Variants in BMP7 observed in about 807,000 individuals in gnomAD.
BMP7 encodes bone morphogenetic protein 7, also known as osteogenic protein 1.
Under a neutral mutation model 41.2 loss-of-function variants are expected in BMP7, and 12 were observed. The ratio of observed to expected loss-of-function variants is 0.29; its 90% CI spans 0.19 to 0.47. BMP7 has a LOEUF of 0.47. BMP7 is among the 20% of genes least tolerant of loss of function. The probability of loss-of-function intolerance (pLI) is 0.99; values close to 1 mark genes in which losing one functional copy is unlikely to be tolerated. For missense variants in BMP7, 467 were observed against 606.0 expected (o/e 0.77, Z 2.41); for synonymous variants, 248 against 250.0 (o/e 0.99, Z 0.07).
chr20:57,220,914 G>A (rs1182541395), intron 2 of BMP7, among the ~76,000 whole-genome samples: 1 of 152,192 alleles, frequency 6.6e-6, no homozygotes, highest in Non-Finnish European at 1.5e-5. Flanking sequence ...ACTGTGGCCG[G>A]CACTCACTCA....
At chr20:57,199,848 C>A (rs1159764428) in intron 3 of BMP7, among the ~76,000 whole-genome samples, 1 of 152,354 alleles carries the variant, frequency 6.6e-6, no homozygotes, top group Admixed American at 6.5e-5. Context: ...AGCACCTGGA[C>A]AAGCCAAGTC....
At chr20:57,257,239 G>T (rs892012874) in intron 1 of BMP7, among the ~76,000 whole-genome samples, 14 of 152,134 alleles carry the variant, frequency 9.2e-5, no homozygotes, top group African/African-American at 3.4e-4. Flanking sequence ...CATTTATACT[G>T]ACCAGATGAA....
At chr20:57,195,921 G>T (rs532842829) in intron 3 of BMP7, among the ~76,000 whole-genome samples, 25 of 152,178 alleles carry the variant, frequency 1.6e-4, no homozygotes, top group Non-Finnish European at 3.2e-4. Context: ...GGAGAGAGGT[G>T]CCCTATGACC....
At chr20:57,207,319 C>G (rs1984755444) in intron 2 of BMP7, among the ~76,000 whole-genome samples, 1 of 152,134 alleles carries the variant, frequency 6.6e-6, no homozygotes, top group Non-Finnish European at 1.5e-5. Context: ...CAAGCCAGTC[C>G]CCAGTGAGGT....
intron 1 of BMP7, among the ~76,000 whole-genome samples, chr20:57,234,130 T>C (rs1382813425): frequency 1.3e-5 from 2 of 152,100 alleles, no homozygotes; most frequent in African/African-American, 4.8e-5. Flanking sequence ...GAGTCCATCA[T>C]CACTGTCCCA....
intron 1 of BMP7, among the ~76,000 whole-genome samples, chr20:57,245,277 C>G (rs1568728175): frequency 6.6e-6 from 1 of 152,136 alleles, no homozygotes; most frequent in Non-Finnish European, 1.5e-5. Flanking sequence ...CATGGTTGTC[C>G]TTTAAACCTC....
intron 3 of BMP7, among the ~76,000 whole-genome samples, chr20:57,187,554 C>CCTGT (rs1555812219): frequency 2.1e-5 from 3 of 144,020 alleles, no homozygotes; most frequent in Admixed American, 2.1e-4. Context: ...GGAAGCCTGC[C>CCTGT]CTCTCTCTCT....
rs990746369 is a variant in BMP7 at position 57,254,545 on chromosome 20, C to T, written c.418+11160G>A. Among the ~76,000 whole-genome samples the T allele has an allele frequency of 7.3e-5, 11 of 151,666 alleles. No homozygotes were observed. The East Asian group carries it at 7.8e-4, about 11-fold the overall frequency. The stretch of plus-strand genomic sequence containing the variant: ...GTCCCCTTGTGTGGGAGGTTGGGGG[C>T]GGGGGTGCCTATGTGTGTAATTAAC... On this transcript the variant is annotated intron_variant, in intron 1 of 6. Coordinates refer to ENST00000395863, the MANE Select transcript of BMP7 (RefSeq NM_001719.3).
chr20:57,264,806 A>T (rs1314529320), intron 1 of BMP7, among the ~76,000 whole-genome samples: 4 of 152,116 alleles, frequency 2.6e-5, no homozygotes, highest in Non-Finnish European at 4.4e-5. Flanking sequence ...CTGAGGCGGG[A>T]GGATCACCTG....
chr20:57,237,507 CTTCA>C (rs1357628857), intron 1 of BMP7, among the ~76,000 whole-genome samples: 1 of 152,176 alleles, frequency 6.6e-6, no homozygotes, highest in Non-Finnish European at 1.5e-5. Flanking sequence ...GATGATGGCT[CTTCA>C]TTCATTCATT....
chr20:57,201,247 T>C (rs1047779930), intron 3 of BMP7, among the ~76,000 whole-genome samples: 1 of 152,184 alleles, frequency 6.6e-6, no homozygotes, highest in Non-Finnish European at 1.5e-5. Flanking sequence ...GCCCAAATCC[T>C]CTCATCACCT....
intron 2 of BMP7, chr20:57,225,762 C>T: frequency 8.6e-6 from 3 of 348,008 alleles, no homozygotes; most frequent in South Asian, 7.3e-5. Flanking sequence ...CTGCAGGAGG[C>T]ACAGGAAGAA....
intron 1 of BMP7, among the ~76,000 whole-genome samples, chr20:57,242,326 G>C (rs1196450382): frequency 6.6e-6 from 1 of 152,208 alleles, no homozygotes; most frequent in Admixed American, 6.5e-5. Flanking sequence ...CTAGTGCTGA[G>C]TTGAGAGTCC....
chr20:57,206,927 T>G lies in BMP7; in HGVS notation c.612-4304A>C, dbSNP rs1242265335. 2.6e-5 allele frequency among the ~76,000 whole-genome samples: 4 copies of G among 152,238 alleles called. No homozygotes were observed. In the East Asian group the frequency reaches 5.8e-4, roughly 22 times the overall value. ...ACCACTTGTCCATTCCAAGAATGTT[T>G]ACCTTGGACTCCAAAATTTGTCAGA... On this transcript the variant is annotated intron_variant, in intron 2 of 6. Transcript: ENST00000395863.
intron 2 of BMP7, among the ~76,000 whole-genome samples, chr20:57,217,478 TCTGGGG>T: frequency 6.6e-6 from 1 of 152,308 alleles, no homozygotes; most frequent in South Asian, 2.1e-4. Context: ...AGGACTCCAG[TCTGGGG>T]ACCCCGTGTG....
chr20:57,178,386 G>T (rs1234434393), intron 4 of BMP7, among the ~76,000 whole-genome samples: 1 of 152,122 alleles, frequency 6.6e-6, no homozygotes, highest in African/African-American at 2.4e-5. Flanking sequence ...CTGCAAGGGG[G>T]TGCTCAGAGT....
chr20:57,207,811 G>GTTTT (rs572613876), intron 2 of BMP7, among the ~76,000 whole-genome samples: 8 of 109,970 alleles, frequency 7.3e-5, no homozygotes, highest in Non-Finnish European at 1.2e-4. Flanking sequence ...ACCCCAGTTG[G>GTTTT]TTTTTTTTTT....
intron 2 of BMP7, among the ~76,000 whole-genome samples, chr20:57,222,839 CTTCTGGAAGCTTCCAGAAGCT>C (rs1985220727): frequency 1.3e-4 from 10 of 74,212 alleles, no homozygotes; most frequent in African/African-American, 4.9e-4. Flanking sequence ...ACTCCAGAGG[CTTCTGGAAGCTTCCAGAAGCT>C]TCCAGAAGCC....
intron 4 of BMP7, among the ~76,000 whole-genome samples, chr20:57,175,299 C>T (rs987802111): frequency 1.3e-5 from 2 of 152,338 alleles, no homozygotes; most frequent in East Asian, 1.9e-4. Flanking sequence ...CTTTTATACA[C>T]GTGTGTTGTT....
Sources: allele counts gnomAD v4.1 joint callset (sites outside exome capture counted in the v4.1 genomes callset), GRCh38; gene constraint gnomAD v4.1.1; transcripts MANE v1.5; gene names NCBI Gene and HGNC (gene_info 2026-07-23, HGNC 2026-07-21).